GAB2: variants seen among roughly 807,000 people sequenced by gnomAD.
The protein encoded by GAB2 is GRB2-associated-binding protein 2.
Under a neutral mutation model 65.5 loss-of-function variants are expected in GAB2, and 26 were observed. The observed-to-expected ratio is 0.40, with a 90% CI of 0.29 to 0.55. GAB2 has a LOEUF of 0.55. Ranked by LOEUF, GAB2 falls within the 20% of genes least tolerant of loss-of-function variation. The pLI is 0.53. For synonymous variants in GAB2, 321 were observed against 329.6 expected (o/e 0.97, Z 0.28); for missense variants, 884 against 875.8 (o/e 1.01, Z -0.12).
chr11:78,313,034 A>G (rs1021228125), intron 1 of GAB2, among the ~76,000 whole-genome samples: 11 of 152,310 alleles, frequency 7.2e-5, no homozygotes, highest in Admixed American at 5.9e-4. Flanking sequence ...GTGGTGATCT[A>G]TCAGTCCTTG....
intron 1 of GAB2, among the ~76,000 whole-genome samples, chr11:78,341,066 G>A (rs554373916): frequency 6.6e-6 from 1 of 152,256 alleles, no homozygotes; most frequent in African/African-American, 2.4e-5. Flanking sequence ...TCATGTGCCT[G>A]GCATTAAAGG....
chr11:78,280,112 A>T (rs1375251366), intron 2 of GAB2, among the ~76,000 whole-genome samples: 1 of 152,238 alleles, frequency 6.6e-6, no homozygotes, highest in Non-Finnish European at 1.5e-5. Context: ...TCCCCTCCCA[A>T]GTAAACATAA....
chr11:78,280,223 A>T (rs1048455626), intron 2 of GAB2, among the ~76,000 whole-genome samples: 1 of 152,196 alleles, frequency 6.6e-6, no homozygotes, highest in Non-Finnish European at 1.5e-5. Flanking sequence ...ACAGACAGAG[A>T]TGAAGGAGAG....
intron 1 of GAB2, among the ~76,000 whole-genome samples, chr11:78,286,678 G>A (rs577570122): frequency 6.0e-4 from 92 of 152,134 alleles, no homozygotes; most frequent in Non-Finnish European, 1.2e-3. Context: ...AGGACAGCAA[G>A]AGGATTACAG....
intron 1 of GAB2, among the ~76,000 whole-genome samples, chr11:78,389,775 A>T (rs1247284759): frequency 6.6e-6 from 1 of 152,344 alleles, no homozygotes; most frequent in Admixed American, 6.5e-5. Flanking sequence ...GAGACACCAT[A>T]AAGTTGAAGC....
At chr11:78,386,114 G>C (rs1463931939) in intron 1 of GAB2, among the ~76,000 whole-genome samples, 1 of 152,142 alleles carries the variant, frequency 6.6e-6, no homozygotes, top group Non-Finnish European at 1.5e-5. Context: ...GAGTACCTGG[G>C]CCCTCTCAAG....
chr11:78,261,585 C>T (rs1238455977), intron 2 of GAB2, among the ~76,000 whole-genome samples: 1 of 152,160 alleles, frequency 6.6e-6, no homozygotes, highest in Non-Finnish European at 1.5e-5. Context: ...CCCTTAGCTG[C>T]GGCAGACCCT....
intron 1 of GAB2, among the ~76,000 whole-genome samples, chr11:78,330,600 G>C (rs577580420): frequency 6.3e-4 from 96 of 152,238 alleles, no homozygotes; most frequent in African/African-American, 2.2e-3. Context: ...TGAAGGGGTA[G>C]ATTTATCTGG....
intron 3 of GAB2, among the ~76,000 whole-genome samples, chr11:78,228,282 G>A (rs775168425): frequency 3.2e-4 from 48 of 152,208 alleles, no homozygotes; most frequent in Non-Finnish European, 6.3e-4. Context: ...CAGGGATTTA[G>A]GTCTGCTTCT....
intron 1 of GAB2, among the ~76,000 whole-genome samples, chr11:78,320,725 CTTTTTTT>C (rs72241707): frequency 1.2e-4 from 12 of 102,496 alleles, no homozygotes; most frequent in Admixed American, 2.1e-4. Context: ...TAATTTTTGC[CTTTTTTT>C]TTTTTTTTTT....
chr11:78,250,307 T>C lies in GAB2; in HGVS notation c.470A>G (p.Lys157Arg). The C allele has an allele frequency of 6.2e-7, 1 of 1,613,480 alleles. No homozygotes were observed. ...SSSQHLLRER[K>R]SSAPSHSSQP... is the part of the protein sequence containing the mutation. ...GCTGGAGTGTGATGGGGCTGAGGAC[T>C]TGCGCTCTCGGAGAAGGTGCTGGCT... is the stretch of plus-strand genomic sequence containing the variant. Residue 157 changes from lysine to arginine, a missense_variant, in exon 3 of 10, where the codon AAG becomes AGG. Transcript: ENST00000361507.
intron 3 of GAB2, among the ~76,000 whole-genome samples, chr11:78,238,842 C>G (rs2134500736): frequency 6.6e-6 from 1 of 152,042 alleles, no homozygotes; most frequent in Admixed American, 6.5e-5. Context: ...AGTAAAAAAC[C>G]AATCTATGGG....
chr11:78,306,898 ATAAAG>A (rs1855373164), intron 1 of GAB2, among the ~76,000 whole-genome samples: 1 of 152,252 alleles, frequency 6.6e-6, no homozygotes, highest in Admixed American at 6.5e-5. Context: ...ACAGAAAGAG[ATAAAG>A]TAAGGTATAT....
intron 1 of GAB2, among the ~76,000 whole-genome samples, chr11:78,300,119 C>T (rs543816327): frequency 6.6e-6 from 1 of 152,306 alleles, no homozygotes; most frequent in South Asian, 2.1e-4. Context: ...TGAATCCTCA[C>T]TCCCTATCCT....
chr11:78,302,473 C>T (rs1433639207), intron 1 of GAB2, among the ~76,000 whole-genome samples: 1 of 151,744 alleles, frequency 6.6e-6, no homozygotes, highest in Non-Finnish European at 1.5e-5. Context: ...AAATCAAAAC[C>T]ACAAAGCGAT....
intron 1 of GAB2, among the ~76,000 whole-genome samples, chr11:78,366,830 A>G (rs897280849): frequency 2.6e-5 from 4 of 151,040 alleles, no homozygotes; most frequent in Non-Finnish European, 5.9e-5. Flanking sequence ...AAGCAACTCA[A>G]ATGGTTGCTT....
intron 1 of GAB2, among the ~76,000 whole-genome samples, chr11:78,324,180 G>A (rs1855781306): frequency 6.6e-6 from 1 of 151,996 alleles, no homozygotes; most frequent in Non-Finnish European, 1.5e-5. Flanking sequence ...CTGGCCATAA[G>A]TACACAGGAG....
At chr11:78,299,804 G>C (rs537004231) in intron 1 of GAB2, among the ~76,000 whole-genome samples, 175 of 152,274 alleles carry the variant, frequency 1.1e-3, no homozygotes, top group African/African-American at 4.0e-3. Flanking sequence ...TATGTAGCTG[G>C]AAAACATTCC....
intron 2 of GAB2, among the ~76,000 whole-genome samples, chr11:78,264,355 A>G (rs1357068413): frequency 6.7e-6 from 1 of 150,180 alleles, no homozygotes; most frequent in African/African-American, 2.4e-5. Flanking sequence ...ATTCCTAAGT[A>G]TTTTATTTTT....
Sources: gnomAD v4.1 joint callset for allele counts (sites outside exome capture counted in the v4.1 genomes callset) on GRCh38, gnomAD v4.1.1 for gene constraint, MANE v1.5 for transcripts, NCBI Gene and HGNC (gene_info 2026-07-23, HGNC 2026-07-21) for gene names.